Variants in KLRG1 observed in about 807,000 individuals in gnomAD.
The protein encoded by KLRG1 is killer cell lectin like receptor G1.
Under a neutral mutation model 21.8 loss-of-function variants are expected in KLRG1, and 16 were observed. That is an observed-to-expected ratio of 0.73 (90% CI 0.50 to 1.11). The LOEUF (loss-of-function observed/expected upper bound fraction) is 1.11. Ranked by LOEUF, KLRG1 falls within the 50% of genes most tolerant of loss-of-function variation. The pLI, the probability that KLRG1 is intolerant of heterozygous loss-of-function variation, is 0.00. For missense variants in KLRG1, 173 were observed against 218.3 expected (o/e 0.79, Z 1.31); for synonymous variants, 69 against 75.9 (o/e 0.91, Z 0.47).
chr12:8,995,888 T>C (rs1275013049), intron 3 of KLRG1, among the ~76,000 whole-genome samples: 2 of 152,086 alleles, frequency 1.3e-5, no homozygotes, highest in Non-Finnish European at 2.9e-5. Context: ...TTCACCATGT[T>C]AGCCAGGATG....
the KLRG1 span, among the ~76,000 whole-genome samples, chr12:9,148,380 A>G: frequency 7.2e-5 from 11 of 152,078 alleles, no homozygotes; most frequent in East Asian, 2.1e-3. Flanking sequence ...CATCCTCACC[A>G]CTGTTACTTT....
At chr12:8,985,289 G>A (rs1946825538), upstream of KLRG1, among the ~76,000 whole-genome samples, 1 of 151,960 alleles carries the variant, frequency 6.6e-6, no homozygotes, top group Non-Finnish European at 1.5e-5. Context: ...GGATGTGTAG[G>A]GGAAAACTTT....
the KLRG1 span, chr12:9,091,483 C>G: frequency 6.4e-7 from 1 of 1,573,390 alleles, no homozygotes; most frequent in South Asian, 1.1e-5. Context: ...TACATCCTTT[C>G]TAGGGAGAGA....
the KLRG1 span, chr12:9,028,959 G>T: frequency 1.6e-6 from 1 of 625,124 alleles, no homozygotes; most frequent in East Asian, 3.7e-5. Flanking sequence ...TCTCATTACG[G>T]CACAGTCCGT....
chr12:9,118,192 T>C, the KLRG1 span, among the ~76,000 whole-genome samples: 1 of 152,206 alleles, frequency 6.6e-6, no homozygotes, highest in African/African-American at 2.4e-5. Flanking sequence ...TGTTTCCTGT[T>C]ACCACTTCTC....
At chr12:9,107,456 G>C in the KLRG1 span, 1 of 1,570,166 alleles carries the variant, frequency 6.4e-7, no homozygotes, top group Non-Finnish European at 8.7e-7. Context: ...TCAGAAAAAT[G>C]CTGCAACTCA....
chr12:9,077,286 G>A, the KLRG1 span: 1 of 1,442,590 alleles, frequency 6.9e-7, no homozygotes, highest in Admixed American at 1.8e-5. Flanking sequence ...TCAGACAGCA[G>A]GTCAGCAGTT....
chr12:9,011,299 T>C (rs1169843692), downstream of KLRG1, among the ~76,000 whole-genome samples: 1 of 152,206 alleles, frequency 6.6e-6, no homozygotes, highest in Non-Finnish European at 1.5e-5. Context: ...CCTGGTTGCT[T>C]ATTTATTCCT....
At chr12:8,957,007 G>A (rs1253956312) in intron 1 of KLRG1, among the ~76,000 whole-genome samples, 1 of 152,214 alleles carries the variant, frequency 6.6e-6, no homozygotes, top group Non-Finnish European at 1.5e-5. Flanking sequence ...GGTGGAGCCA[G>A]CCCAGTGGTC....
At chr12:9,161,162 C>T in the KLRG1 span, 5 of 1,429,924 alleles carry the variant, frequency 3.5e-6, no homozygotes, top group African/African-American at 4.3e-5. Context: ...TCTATGATTA[C>T]AATATAATTT....
At chr12:9,183,360 A>G in the KLRG1 span, among the ~76,000 whole-genome samples, 3 of 152,266 alleles carry the variant, frequency 2.0e-5, no homozygotes, top group Non-Finnish European at 4.4e-5. Context: ...TCATTTTATT[A>G]TCTATATGTG....
At chr12:9,182,011 A>G in the KLRG1 span, 1 of 1,613,886 alleles carries the variant, frequency 6.2e-7, no homozygotes, top group South Asian at 1.1e-5. Context: ...CAAATTTTTC[A>G]GAGTCTCCAA....
the KLRG1 span, chr12:9,182,067 T>C: frequency 1.2e-6 from 2 of 1,613,694 alleles, no homozygotes; most frequent in Non-Finnish European, 8.5e-7. Context: ...ATTCGTGCAA[T>C]GGGGGCAACG....
At chr12:9,108,255 A>T in the KLRG1 span, among the ~76,000 whole-genome samples, 1 of 152,078 alleles carries the variant, frequency 6.6e-6, no homozygotes, top group Non-Finnish European at 1.5e-5. Flanking sequence ...CTTCCCAAGT[A>T]GCTGGGACTA....
chr12:9,141,772 C>A, the KLRG1 span, among the ~76,000 whole-genome samples: 1 of 152,098 alleles, frequency 6.6e-6, no homozygotes, highest in African/African-American at 2.4e-5. Context: ...CTTTTAGCAA[C>A]CTTTACTTTT....
chr12:9,203,999 C>T, the KLRG1 span: 33 of 1,492,178 alleles, frequency 2.2e-5, no homozygotes, highest in Non-Finnish European at 2.8e-5. Flanking sequence ...TGATAGTAAG[C>T]GTTTTCATCC....
At chr12:9,162,176 G>C in the KLRG1 span, 1 of 156,914 alleles carries the variant, frequency 6.4e-6, no homozygotes, top group Non-Finnish European at 1.4e-5. Flanking sequence ...TGGCCAGGCT[G>C]TTCTCAAACC....
chr12:8,999,716 A>G (rs1374305198), intron 3 of KLRG1, among the ~76,000 whole-genome samples: 1 of 152,132 alleles, frequency 6.6e-6, no homozygotes, highest in Non-Finnish European at 1.5e-5. Flanking sequence ...TTTGACTCTC[A>G]GTTTCCTCAT....
At chr12:9,085,965 C>G in the KLRG1 span, among the ~76,000 whole-genome samples, 1 of 152,034 alleles carries the variant, frequency 6.6e-6, no homozygotes, top group Non-Finnish European at 1.5e-5. Context: ...AAAATCTGAA[C>G]TGACAAATAA....
Sources: gnomAD v4.1 joint callset for allele counts (sites outside exome capture counted in the v4.1 genomes callset) on GRCh38, gnomAD v4.1.1 for gene constraint, MANE v1.5 for transcripts, NCBI Gene and HGNC (gene_info 2026-07-23, HGNC 2026-07-21) for gene names.